The following TBC1D30 variants were observed in gnomAD, a reference collection of about 807,000 sequenced individuals.
TBC1D30 encodes TBC1 domain family member 30.
A neutral mutation model predicts 63.2 loss-of-function variants in TBC1D30; 31 were observed. That is an observed-to-expected ratio of 0.49 (90% confidence interval 0.37 to 0.66). The LOEUF (loss-of-function observed/expected upper bound fraction) is 0.66, where lower values mean the gene tolerates loss of function less well. Among genes scored for constraint, TBC1D30 ranks in the 30% least tolerant of loss-of-function variants. TBC1D30 has a pLI of 0.00. For missense variants in TBC1D30, 810 were observed against 953.6 expected (o/e 0.85, Z 1.98); for synonymous variants, 307 against 361.5 (o/e 0.85, Z 1.71).
chr12:64,823,568 C>T (rs1440939388), upstream of TBC1D30, among the ~76,000 whole-genome samples: 1 of 152,200 alleles, frequency 6.6e-6, no homozygotes, highest in Non-Finnish European at 1.5e-5. Flanking sequence ...TTCAAGACAT[C>T]CTCCTGCCTT....
chr12:64,776,789 G>T (rs764556702), upstream of TBC1D30, among the ~76,000 whole-genome samples: 17 of 152,098 alleles, frequency 1.1e-4, no homozygotes, highest in Non-Finnish European at 2.4e-4. Context: ...ACAAAACCTG[G>T]CAGAGATACA....
intron 1 of TBC1D30, among the ~76,000 whole-genome samples, chr12:64,760,704 A>T (rs1870471902): frequency 6.6e-6 from 1 of 151,676 alleles, no homozygotes; most frequent in African/African-American, 2.4e-5. Flanking sequence ...GTCTCTTAAA[A>T]CTCGTGAAAA....
rs1879381676 is a variant in TBC1D30, at chr12:64,880,354, A to G, written c.*4566A>G. On this transcript the variant is annotated 3_prime_UTR_variant, in exon 12 of 12. Coordinates refer to ENST00000539867, the MANE Select transcript of TBC1D30 (RefSeq NM_015279.2). ...GTTCAGGCTGCTGTAACAAAGTACCATAGACTGAGGTGGCTTAAACACAGA... is the reference window on the plus strand; with the variant it reads ...GTTCAGGCTGCTGTAACAAAGTACCGTAGACTGAGGTGGCTTAAACACAGA... 1 of 152,270 alleles carries G rather than the reference A, an allele frequency of 6.6e-6. No individual in the cohort carries two copies. The highest frequency in any genetic ancestry group is 2.1e-4 in the South Asian group (1 of 4,834). The allele number at this position is 152,270 out of a possible 1,614,324, so 9.4% of individuals were successfully genotyped here. A position where few individuals can be genotyped will look rare whatever the true frequency, so the allele number is the denominator to read the frequency against.
intron 1 of TBC1D30, among the ~76,000 whole-genome samples, chr12:64,775,102 A>AT (rs199784039): frequency 0.026 from 3,832 of 145,438 alleles, 68 homozygotes; most frequent in Middle Eastern, 0.076. Context: ...CAAAAAAAAA[A>AT]AAATATATAT....
chr12:64,773,756 A>G (rs1357562847), intron 1 of TBC1D30, among the ~76,000 whole-genome samples: 1 of 152,248 alleles, frequency 6.6e-6, no homozygotes, highest in Non-Finnish European at 1.5e-5. Flanking sequence ...AAAGTGATCA[A>G]GCTGTTAAAA....
intron 2 of TBC1D30, among the ~76,000 whole-genome samples, chr12:64,812,816 G>A (rs1873294077): frequency 1.3e-5 from 2 of 151,456 alleles, no homozygotes; most frequent in African/African-American, 4.9e-5. Context: ...TTAATGCTGG[G>A]GCTTTATTAA....
At chr12:64,829,154 G>A (rs1331341735) in intron 3 of TBC1D30, among the ~76,000 whole-genome samples, 1 of 152,186 alleles carries the variant, frequency 6.6e-6, no homozygotes, top group African/African-American at 2.4e-5. Flanking sequence ...CTTTTGCTCA[G>A]TGTGAGCTAG....
chr12:64,769,211 T>C (rs1870817294), intron 1 of TBC1D30, among the ~76,000 whole-genome samples: 1 of 143,558 alleles, frequency 7.0e-6, no homozygotes, highest in African/African-American at 2.5e-5. Context: ...TTCCTGTAGA[T>C]TTTTTTTTTT....
At chr12:64,779,759 A>AC (rs1357728959), upstream of TBC1D30, among the ~76,000 whole-genome samples, 7 of 152,352 alleles carry the variant, frequency 4.6e-5, no homozygotes, top group Admixed American at 3.3e-4. Context: ...GTGAATGGAC[A>AC]CGTTATTTAG....
chr12:64,776,132 T>A (rs1461647658), upstream of TBC1D30, among the ~76,000 whole-genome samples: 1 of 152,200 alleles, frequency 6.6e-6, no homozygotes, highest in African/African-American at 2.4e-5. Flanking sequence ...AAGGCAGTGT[T>A]AAGAGGGAAA....
intron 8 of TBC1D30, among the ~76,000 whole-genome samples, chr12:64,862,204 G>T (rs1161603824): frequency 6.6e-6 from 1 of 152,162 alleles, no homozygotes; most frequent in Non-Finnish European, 1.5e-5. Flanking sequence ...ACTTACCAAG[G>T]TGGAGGCCTA....
chr12:64,804,724 C>T (rs1274861283), intron 2 of TBC1D30, among the ~76,000 whole-genome samples: 1 of 152,140 alleles, frequency 6.6e-6, no homozygotes, highest in East Asian at 1.9e-4. Flanking sequence ...TTCCTCTAAA[C>T]CACTTGAGGT....
At chr12:64,852,354 G>A (rs891594268) in intron 8 of TBC1D30, among the ~76,000 whole-genome samples, 2 of 152,014 alleles carry the variant, frequency 1.3e-5, no homozygotes, top group Non-Finnish European at 2.9e-5. Context: ...AGCTCCATCA[G>A]GTCATTTATG....
chr12:64,845,638 A>G (rs967101818), intron 8 of TBC1D30, among the ~76,000 whole-genome samples: 1 of 150,962 alleles, frequency 6.6e-6, no homozygotes, highest in African/African-American at 2.4e-5. Context: ...AGGCAGGAGA[A>G]TGGCGTGAAC....
At position 64,870,915 on chromosome 12, in the gene TBC1D30, C is replaced by T. The variant is rs527465213; in HGVS notation, c.1498+107C>T. Reference sequence around the variant, plus strand: ...GGAATTACTAACTGTAGCTCAGTATCCATCAACACAGCTGGCATGACATAA... The same window carrying T: ...GGAATTACTAACTGTAGCTCAGTATTCATCAACACAGCTGGCATGACATAA... On this transcript the variant is annotated intron_variant, in intron 11 of 11. Coordinates refer to ENST00000539867, the MANE Select transcript of TBC1D30 (RefSeq NM_015279.2). The T allele has an allele frequency of 4.1e-5, 42 of 1,036,746 alleles. No homozygotes were observed. In the African/African-American group the frequency reaches 5.7e-4, roughly 14 times the overall value. The allele number at this position is 1,036,746 out of a possible 1,614,324, so 64.2% of individuals were successfully genotyped here.
At chr12:64,798,914 G>T (rs1191825928) in intron 2 of TBC1D30, among the ~76,000 whole-genome samples, 1 of 148,800 alleles carries the variant, frequency 6.7e-6, no homozygotes, top group Non-Finnish European at 1.5e-5. Flanking sequence ...CCTGGTTCAC[G>T]CCACTCTCCT....
chr12:64,860,015 TTC>T (rs1449474229), intron 8 of TBC1D30, among the ~76,000 whole-genome samples: 2 of 150,218 alleles, frequency 1.3e-5, no homozygotes, highest in African/African-American at 5.0e-5. Flanking sequence ...AAGATTCTTC[TTC>T]TTTTTTTTTT....
chr12:64,854,289 T>C (rs11835667), intron 8 of TBC1D30, among the ~76,000 whole-genome samples: 2,121 of 152,238 alleles, frequency 0.014, 62 homozygotes, highest in African/African-American at 0.049. Context: ...TGGCACATAC[T>C]ATCTTAAACC....
Position 64,866,798 on chromosome 12 carries a change from A to G in TBC1D30, c.1186A>G (p.Asn396Asp). Residue 396 changes from asparagine (N) to aspartate (D), a missense_variant, in exon 10 of 12, where the codon AAT (asparagine) becomes GAT (aspartate). Physicochemically the swap from Asn to Asp is conservative, Grantham distance 23. Coordinates refer to ENST00000539867, the MANE Select transcript of TBC1D30 (RefSeq NM_015279.2). ...HSKARDSDEE[N>D]DPDDEDAVVN... is the part of the protein sequence containing the mutation. ...TAAGGCCAGAGACAGTGATGAAGAG[A>G]ATGACCCAGACGATGAGGATGCTGT... is the stretch of plus-strand genomic sequence containing the variant. 2 of 1,536,552 alleles carry G rather than the reference A, an allele frequency of 1.3e-6. No homozygotes were observed. Among genetic ancestry groups the G allele is most frequent in the Non-Finnish European group, 1.7e-6 (2 of 1,147,016 alleles).
Sources: gnomAD v4.1 joint callset for allele counts (sites outside exome capture counted in the v4.1 genomes callset) on GRCh38, gnomAD v4.1.1 for gene constraint, MANE v1.5 for transcripts, NCBI Gene and HGNC (gene_info 2026-07-23, HGNC 2026-07-21) for gene names.